ATP2B4: variants seen among roughly 807,000 people sequenced by gnomAD.
The protein encoded by ATP2B4 is ATPase plasma membrane Ca2+ transporting 4.
ATP2B4 carries 39 observed loss-of-function variants against 110.3 expected under a neutral mutation model. The ratio of observed to expected loss-of-function variants is 0.35; its 90% CI spans 0.27 to 0.46. The LOEUF is 0.46. Ranked by LOEUF, ATP2B4 falls within the 20% of genes least tolerant of loss-of-function variation. The pLI, the probability that ATP2B4 is intolerant of heterozygous loss-of-function variation, is 1.00. For synonymous variants in ATP2B4, 538 were observed against 571.7 expected (o/e 0.94, Z 0.84); for missense variants, 1,135 against 1,530.9 (o/e 0.74, Z 4.32).
rs1558060328 is a variant in ATP2B4, at chr1:203,739,662, GC to G, written c.3428del (p.Pro1143HisfsTer59). The G allele has an allele frequency of 6.2e-7, 1 of 1,614,126 alleles. No individual in the cohort carries two copies. The highest frequency in any genetic ancestry group is 1.1e-5 in the South Asian group (1 of 91,084). On this transcript the variant is annotated frameshift_variant, in exon 21 of 21. Coordinates refer to ENST00000357681, the MANE Select transcript of ATP2B4 (RefSeq NM_001684.5). LOFTEE classifies it low-confidence loss of function (END_TRUNC). ...CTGAATTCGCCATAGAGGAGGAGTT[GC>G]CACGAACACCACTCCTGGATGAGGA... ...HPEFAIEEEL[P>X]RTPLLDEEEE... is the part of the protein sequence containing the mutation.
At chr1:203,673,061 A>G (rs560538180) in intron 1 of ATP2B4, among the ~76,000 whole-genome samples, 66 of 152,210 alleles carry the variant, frequency 4.3e-4, no homozygotes, top group Non-Finnish European at 8.5e-4. Flanking sequence ...AAGGAGACAC[A>G]TGGCAAGATC....
At chr1:203,649,035 T>C (rs1272719703) in intron 1 of ATP2B4, among the ~76,000 whole-genome samples, 1 of 152,228 alleles carries the variant, frequency 6.6e-6, no homozygotes, top group African/African-American at 2.4e-5. Context: ...CTTGAAATAC[T>C]GGATATGAAA....
rs537022739 is a variant in ATP2B4 at position 203,673,044 on chromosome 1, A to T, written c.-464-9698A>T. 3.9e-5 allele frequency among the ~76,000 whole-genome samples: 6 copies of T among 152,284 alleles called. No individual in the cohort carries two copies. In the South Asian group the frequency reaches 1.2e-3, roughly 32 times the overall value. On this transcript the variant is annotated intron_variant, in intron 1 of 20. Coordinates refer to ENST00000357681, the MANE Select transcript of ATP2B4 (RefSeq NM_001684.5). ...TGGAAGGACTAGCAGAGGGAGAGGG[A>T]AGAGTGAAGGAGACACATGGCAAGA...
chr1:203,685,093 C>T (rs1404302486), intron 2 of ATP2B4, among the ~76,000 whole-genome samples: 2 of 152,070 alleles, frequency 1.3e-5, no homozygotes, highest in African/African-American at 4.8e-5. Context: ...TCAGGTGATC[C>T]GCTCACCTCA....
intron 15 of ATP2B4, among the ~76,000 whole-genome samples, chr1:203,716,860 A>G (rs1666171395): frequency 6.9e-6 from 1 of 145,164 alleles, no homozygotes; most frequent in Admixed American, 6.9e-5. Context: ...GGGCTGCAAA[A>G]TGACAATATT....
At chr1:203,665,229 G>A (rs1162810582) in intron 1 of ATP2B4, among the ~76,000 whole-genome samples, 3 of 152,214 alleles carry the variant, frequency 2.0e-5, no homozygotes, top group Non-Finnish European at 2.9e-5. Flanking sequence ...CTTACCTGGT[G>A]CCCATGTTCA....
chr1:203,717,626 TTTTA>T (rs113515512), intron 15 of ATP2B4, among the ~76,000 whole-genome samples: 11,226 of 144,124 alleles, frequency 0.078, 1,186 homozygotes, highest in East Asian at 0.28. Context: ...ATGGTATTTA[TTTTA>T]TTTATTTATT....
intron 1 of ATP2B4, among the ~76,000 whole-genome samples, chr1:203,641,717 C>T (rs1663636144): frequency 6.6e-6 from 1 of 152,150 alleles, no homozygotes; most frequent in African/African-American, 2.4e-5. Flanking sequence ...AAATAGCTTG[C>T]CCAGAGATCA....
intron 1 of ATP2B4, among the ~76,000 whole-genome samples, chr1:203,672,295 T>C (rs1329072589): frequency 6.6e-6 from 1 of 151,380 alleles, no homozygotes; most frequent in Non-Finnish European, 1.5e-5. Flanking sequence ...GGCTATCCTG[T>C]TTTTGTTCCT....
At chr1:203,699,918 AG>A (rs1665641053) in intron 4 of ATP2B4, among the ~76,000 whole-genome samples, 1 of 152,218 alleles carries the variant, frequency 6.6e-6, no homozygotes, top group Non-Finnish European at 1.5e-5. Context: ...CAAGATTGTC[AG>A]ACTTGTACCC....
rs965843018 is a variant in ATP2B4, at chr1:203,718,185, AT to A, written c.2407-2358del. Among the ~76,000 whole-genome samples the A allele has an allele frequency of 7.2e-5, 11 of 152,088 alleles. No individual in the cohort carries two copies. In the South Asian group the frequency reaches 1.0e-3, roughly 14 times the overall value. ...TTTTCATTTACTTTTAGAATTACAT[AT>A]TTTTTATTCCACTTTTAGAAGAAAT... On this transcript the variant is annotated intron_variant, in intron 15 of 20. Transcript: ENST00000357681.
At chr1:203,634,171 A>G (rs1249036119) in intron 1 of ATP2B4, among the ~76,000 whole-genome samples, 2 of 152,238 alleles carry the variant, frequency 1.3e-5, no homozygotes, top group Non-Finnish European at 1.5e-5. Flanking sequence ...AACTATCAAC[A>G]TATCCATCAC....
intron 1 of ATP2B4, among the ~76,000 whole-genome samples, chr1:203,676,421 G>A (rs969781383): frequency 1.3e-5 from 2 of 152,088 alleles, no homozygotes; most frequent in Admixed American, 6.5e-5. Flanking sequence ...ATAAGGAGGC[G>A]GGCAGAACAG....
chr1:203,736,475 A>C (rs140784014), intron 20 of ATP2B4, among the ~76,000 whole-genome samples: 13,104 of 149,486 alleles, frequency 0.088, 706 homozygotes, highest in Middle Eastern at 0.14. Flanking sequence ...TCCCCCCCAA[A>C]AAAAAAAAAG....
In ATP2B4 at chr1:203,652,230, C is replaced by T. The variant is rs528715381; in HGVS notation, c.-465+25011C>T. Reference sequence around the variant, plus strand: ...CACAATCTCAGCTCACTGCAGCCTCCGTTTCCCAGGTGCAAGCGATTCTCC... The same window carrying T: ...CACAATCTCAGCTCACTGCAGCCTCTGTTTCCCAGGTGCAAGCGATTCTCC... On this transcript the variant is annotated intron_variant, in intron 1 of 20. Transcript: ENST00000357681. Among the ~76,000 whole-genome samples the T allele has an allele frequency of 3.0e-4, 45 of 151,114 alleles. 2 individuals are homozygous for T. In the South Asian group the frequency reaches 9.4e-3, roughly 32 times the overall value.
At chr1:203,727,611 G>T in intron 20 of ATP2B4, 40 bp downstream of exon 20, 1 of 1,607,220 alleles carries the variant, frequency 6.2e-7, no homozygotes, top group Non-Finnish European at 8.5e-7. Context: ...GGGAGAAGCA[G>T]CTTCCCATCT....
intron 20 of ATP2B4, among the ~76,000 whole-genome samples, chr1:203,730,620 C>G (rs1029831453): frequency 6.6e-6 from 1 of 152,244 alleles, no homozygotes; most frequent in African/African-American, 2.4e-5. Flanking sequence ...CCTTTCCAGT[C>G]TTCTGTCCTG....
rs1665650238 is a variant in ATP2B4 at position 203,700,193 on chromosome 1, C to T, written c.650-13C>T. 1.2e-6 allele frequency: 2 copies of T among 1,610,692 alleles called. No homozygotes were observed. Among genetic ancestry groups the T allele is most frequent in the East Asian group, 4.5e-5 (2 of 44,844 alleles). On this transcript the variant is annotated splice_polypyrimidine_tract_variant and intron_variant, in intron 4 of 20. Transcript: ENST00000357681. ...ATCTCCTTCACTGTCCCTCCTTCCC[C>T]TTTGTGCTCTAGGTGATCTGCTGCC...
chr1:203,657,733 G>A (rs950377754), intron 1 of ATP2B4: 4 of 727,876 alleles, frequency 5.5e-6, no homozygotes, highest in South Asian at 3.0e-5. Context: ...TGTTTATGGT[G>A]TAATTCAATA....
Sources: gnomAD v4.1 joint callset for allele counts (sites outside exome capture counted in the v4.1 genomes callset) on GRCh38, gnomAD v4.1.1 for gene constraint, MANE v1.5 for transcripts, NCBI Gene and HGNC (gene_info 2026-07-23, HGNC 2026-07-21) for gene names.